Variants in CALD1 observed in about 807,000 individuals in gnomAD.
CALD1 encodes the protein caldesmon.
CALD1 carries 33 observed loss-of-function variants against 99.9 expected under a neutral mutation model. The observed-to-expected ratio is 0.33, with a 90% CI of 0.25 to 0.44. CALD1 has a LOEUF of 0.44. Ranked by LOEUF, CALD1 falls within the 20% of genes least tolerant of loss-of-function variation. The pLI is 1.00. For synonymous variants in CALD1, 310 were observed against 325.0 expected, an observed-to-expected ratio of 0.95 and a Z score of 0.50; for missense variants, 861 against 962.1, an observed-to-expected ratio of 0.89 and a Z score of 1.39.
At chr7:134,803,123 C>T (rs1798008442) in intron 1 of CALD1, among the ~76,000 whole-genome samples, 1 of 152,096 alleles carries the variant, frequency 6.6e-6, no homozygotes, top group Non-Finnish European at 1.5e-5. Context: ...TCTTATTTTG[C>T]ATTTGTCTAA....
intron 1 of CALD1, among the ~76,000 whole-genome samples, chr7:134,805,519 T>A (rs1798102075): frequency 6.6e-6 from 1 of 152,208 alleles, no homozygotes; most frequent in South Asian, 2.1e-4. Context: ...TCAGTGCCTT[T>A]CTGCCCCTGC....
At chr7:134,877,399 T>A (rs1438512965) in intron 3 of CALD1, among the ~76,000 whole-genome samples, 2 of 152,220 alleles carry the variant, frequency 1.3e-5, no homozygotes, top group Non-Finnish European at 2.9e-5. Flanking sequence ...TTAAGAGTTC[T>A]TTTCCATTTT....
chr7:134,792,438 C>T (rs925393650), intron 1 of CALD1, among the ~76,000 whole-genome samples: 4 of 151,696 alleles, frequency 2.6e-5, no homozygotes, highest in African/African-American at 4.8e-5. Flanking sequence ...TACAGGTGCT[C>T]GCCACCATGC....
intron 11 of CALD1, 112 bp from the exon 12 acceptor site, chr7:134,959,862 G>A (rs1324706449): frequency 1.3e-5 from 14 of 1,062,212 alleles, no homozygotes; most frequent in Non-Finnish European, 1.9e-5. Flanking sequence ...TTTGGTGGAG[G>A]TGTTTACACA....
chr7:134,952,573 C>T (rs1022870105), intron 9 of CALD1, among the ~76,000 whole-genome samples: 2 of 151,474 alleles, frequency 1.3e-5, no homozygotes, highest in East Asian at 3.9e-4. Context: ...CAGGTTCAAG[C>T]GATTCTTCTG....
intron 3 of CALD1, among the ~76,000 whole-genome samples, chr7:134,925,619 G>A (rs1263298049): frequency 1.3e-5 from 2 of 152,102 alleles, no homozygotes; most frequent in African/African-American, 2.4e-5. Context: ...GGAGGAACTT[G>A]CCAAACACTT....
chr7:134,776,363 C>T (rs1477183625), upstream of CALD1, among the ~76,000 whole-genome samples: 1 of 152,108 alleles, frequency 6.6e-6, no homozygotes, highest in African/African-American at 2.4e-5. Context: ...GTATCATTCA[C>T]CTATTGAGAC....
the CALD1 span, among the ~76,000 whole-genome samples, chr7:134,737,609 T>A: frequency 2.0e-5 from 3 of 152,304 alleles, no homozygotes; most frequent in East Asian, 5.8e-4. Context: ...TATGTTGTTG[T>A]TCTAGAGCCT....
At chr7:134,958,975 T>A (rs1305173015) in intron 11 of CALD1, among the ~76,000 whole-genome samples, 3 of 148,880 alleles carry the variant, frequency 2.0e-5, no homozygotes, top group African/African-American at 7.4e-5. Flanking sequence ...AAATGTCACT[T>A]CCTCAGAGTA....
chr7:134,751,606 G>A (rs1305010227), intron 1 of CALD1, among the ~76,000 whole-genome samples: 2 of 152,040 alleles, frequency 1.3e-5, no homozygotes, highest in African/African-American at 4.8e-5. Context: ...TATCATCTTT[G>A]TAATTGTACA....
chr7:134,726,260 A>C, the CALD1 span, among the ~76,000 whole-genome samples: 3 of 150,104 alleles, frequency 2.0e-5, no homozygotes, highest in Non-Finnish European at 4.4e-5. Flanking sequence ...AAAGACTCAG[A>C]TAATACAATT....
In CALD1 at chr7:134,928,895, G is replaced by T; in HGVS notation, c.213G>T (p.Gln71His). 2 of 1,611,342 alleles carry T rather than the reference G, an allele frequency of 1.2e-6. No individual in the cohort carries two copies. The highest frequency in any genetic ancestry group is 1.7e-6 in the Non-Finnish European group (2 of 1,178,704). Reference sequence around the variant, plus strand: ...CCGACCAGGTGGAGGTGAATGCCCAGAACAGGTACTGTCCTCTTTGGGACG... The same window carrying T: ...CCGACCAGGTGGAGGTGAATGCCCATAACAGGTACTGTCCTCTTTGGGACG... ...QVTDQVEVNA[Q>H]NSVPDEEAKT... Residue 71 changes from glutamine (Q) to histidine (H), a missense_variant, in exon 4 of 15, where the codon CAG (glutamine) becomes CAT (histidine). By Grantham distance (24) the Gln-to-His change is conservative. This residue lies in a region of CALD1 where 123 missense variants were observed against 169.8 expected (regional missense o/e 0.72). Coordinates refer to ENST00000361675, the MANE Select transcript of CALD1 (RefSeq NM_033138.4).
At chr7:134,856,571 C>T (rs1397462947) in intron 2 of CALD1, among the ~76,000 whole-genome samples, 3 of 152,164 alleles carry the variant, frequency 2.0e-5, no homozygotes, top group Non-Finnish European at 2.9e-5. Context: ...CCAAAGGCTG[C>T]GGAAATTTGA....
At chr7:134,815,093 T>G (rs1445388095) in intron 1 of CALD1, among the ~76,000 whole-genome samples, 2 of 152,186 alleles carry the variant, frequency 1.3e-5, no homozygotes, top group African/African-American at 4.8e-5. Context: ...CCAGCCACAG[T>G]ACTTTTGACT....
chr7:134,716,653 T>C, the CALD1 span, among the ~76,000 whole-genome samples: 1 of 152,218 alleles, frequency 6.6e-6, no homozygotes. Context: ...GTCAACACCA[T>C]GACCAAAGTG....
At chr7:134,803,948 G>A (rs1214033779) in intron 1 of CALD1, among the ~76,000 whole-genome samples, 2 of 152,034 alleles carry the variant, frequency 1.3e-5, no homozygotes, top group South Asian at 4.2e-4. Flanking sequence ...CACCCGCCTC[G>A]GCCTCCCAAA....
intron 5 of CALD1, among the ~76,000 whole-genome samples, chr7:134,934,887 AAAC>A (rs1179653377): frequency 3.3e-5 from 5 of 152,082 alleles, no homozygotes; most frequent in Admixed American, 6.6e-5. Flanking sequence ...TCAACAACAA[AAAC>A]AACAACAACA....
chr7:134,959,945 C>A (rs1279405222), intron 11 of CALD1, 29 bp from the exon 12 acceptor site: 1 of 1,610,262 alleles, frequency 6.2e-7, no homozygotes, highest in East Asian at 2.2e-5. Flanking sequence ...TTCCCAGCAC[C>A]AATCCTAAAA....
At position 134,934,093 on chromosome 7, in the gene CALD1, T is replaced by G; in HGVS notation, c.1308+16T>G. The G allele has an allele frequency of 6.3e-7, 1 of 1,590,982 alleles. No homozygotes were observed. The highest frequency in any genetic ancestry group is 8.5e-7 in the Non-Finnish European group (1 of 1,171,196). On this transcript the variant is annotated intron_variant, in intron 5 of 14. Coordinates refer to ENST00000361675, the MANE Select transcript of CALD1 (RefSeq NM_033138.4). ...AAAGAAACAGGTACAGTAAACATTT[T>G]GCACCAAATGTGTGATGCCTGTGAC...
Sources: gnomAD v4.1 joint callset for allele counts (sites outside exome capture counted in the v4.1 genomes callset) on GRCh38, gnomAD v4.1.1 for gene constraint, gnomAD v4.1.1 regional missense constraint, MANE v1.5 for transcripts, NCBI Gene and HGNC (gene_info 2026-07-23, HGNC 2026-07-21) for gene names.